The following TMEM217B variants were observed in gnomAD, a reference collection of about 807,000 sequenced individuals.
TMEM217B encodes the protein transmembrane protein 217B, also known as putative transmembrane protein 217B.
chr6:37,228,707 A>G, the TMEM217B span, among the ~76,000 whole-genome samples: 1 of 151,570 alleles, frequency 6.6e-6, no homozygotes, highest in African/African-American at 2.4e-5. Context: ...TCGTTTCAAT[A>G]ATAATAATAG....
chr6:37,244,992 T>C, the TMEM217B span, among the ~76,000 whole-genome samples: 1 of 152,172 alleles, frequency 6.6e-6, no homozygotes, highest in Non-Finnish European at 1.5e-5. Flanking sequence ...AGCCTAGACA[T>C]GTTCTCATGG....
the TMEM217B span, chr6:37,215,415 A>G: frequency 8.7e-7 from 1 of 1,146,426 alleles, no homozygotes; most frequent in Non-Finnish European, 1.2e-6. Context: ...TCTCTACTAA[A>G]GATACAAAAA....
At chr6:37,235,011 C>T in the TMEM217B span, among the ~76,000 whole-genome samples, 106 of 152,174 alleles carry the variant, frequency 7.0e-4, no homozygotes, top group African/African-American at 2.2e-3. Context: ...CACTGGCTAC[C>T]CTTATGCTGG....
At chr6:37,240,318 C>T in the TMEM217B span, among the ~76,000 whole-genome samples, 1 of 152,312 alleles carries the variant, frequency 6.6e-6, no homozygotes, top group Admixed American at 6.5e-5. Context: ...CATCTAAAGG[C>T]TCTACTTGTG....
At chr6:37,244,029 T>A in the TMEM217B span, among the ~76,000 whole-genome samples, 6 of 152,326 alleles carry the variant, frequency 3.9e-5, no homozygotes, top group South Asian at 1.2e-3. Context: ...ACTGGGGAAG[T>A]TACAAATTTT....
At chr6:37,214,651 G>A in the TMEM217B span, among the ~76,000 whole-genome samples, 1 of 152,152 alleles carries the variant, frequency 6.6e-6, no homozygotes, top group Non-Finnish European at 1.5e-5. Context: ...GAATTTGCCT[G>A]CTCTAGGTGT....
the TMEM217B span, among the ~76,000 whole-genome samples, chr6:37,243,632 CTT>C: frequency 6.6e-6 from 1 of 152,164 alleles, no homozygotes; most frequent in African/African-American, 2.4e-5. Context: ...GAGTTTCTCT[CTT>C]GTTGCCCAGG....
At chr6:37,239,200 A>T in the TMEM217B span, among the ~76,000 whole-genome samples, 1 of 152,200 alleles carries the variant, frequency 6.6e-6, no homozygotes, top group Non-Finnish European at 1.5e-5. Context: ...ATAAAAATTC[A>T]GTCATGGGCT....
At chr6:37,254,951 T>A in the TMEM217B span, among the ~76,000 whole-genome samples, 33 of 152,224 alleles carry the variant, frequency 2.2e-4, no homozygotes, top group Middle Eastern at 3.4e-3. Flanking sequence ...GCAACCTAGA[T>A]CCCTTGTATG....
the TMEM217B span, among the ~76,000 whole-genome samples, chr6:37,216,380 G>A: frequency 1.3e-5 from 2 of 152,246 alleles, no homozygotes; most frequent in South Asian, 2.1e-4. Flanking sequence ...CGCCTGGCCC[G>A]ATTTGCATTT....
chr6:37,252,458 T>TA, the TMEM217B span, among the ~76,000 whole-genome samples: 23 of 151,922 alleles, frequency 1.5e-4, 1 homozygote, highest in Admixed American at 9.8e-4. Flanking sequence ...TTGACATACA[T>TA]ACATACATGT....
At chr6:37,213,907 A>G in the TMEM217B span, among the ~76,000 whole-genome samples, 238 of 152,322 alleles carry the variant, frequency 1.6e-3, 2 homozygotes, top group African/African-American at 5.4e-3. Context: ...AGGAAGGGGC[A>G]CAGTCACACA....
the TMEM217B span, among the ~76,000 whole-genome samples, chr6:37,247,447 A>G: frequency 3.4e-5 from 5 of 145,832 alleles, no homozygotes; most frequent in African/African-American, 1.3e-4. Flanking sequence ...GAGTGCGGTG[A>G]CGCGACCTCA....
the TMEM217B span, chr6:37,219,088 T>A: frequency 1.3e-6 from 2 of 1,521,568 alleles, no homozygotes; most frequent in South Asian, 1.2e-5. Context: ...CCTGCCAACA[T>A]GGTAAATTAC....
At chr6:37,235,376 T>TA in the TMEM217B span, among the ~76,000 whole-genome samples, 3 of 151,944 alleles carry the variant, frequency 2.0e-5, no homozygotes, top group African/African-American at 7.3e-5. Flanking sequence ...TTATTATTAT[T>TA]TTTTTTTGAG....
the TMEM217B span, among the ~76,000 whole-genome samples, chr6:37,255,410 G>A: frequency 1.8e-4 from 28 of 152,148 alleles, no homozygotes; most frequent in Non-Finnish European, 2.8e-4. Flanking sequence ...GGCAGGGTGC[G>A]ATGGCTCCCA....
At chr6:37,220,384 G>T in the TMEM217B span, among the ~76,000 whole-genome samples, 1 of 152,282 alleles carries the variant, frequency 6.6e-6, no homozygotes, top group African/African-American at 2.4e-5. Context: ...TCCTATATTA[G>T]TTGTGAGCAT....
At chr6:37,251,900 A>AT in the TMEM217B span, among the ~76,000 whole-genome samples, 6 of 152,050 alleles carry the variant, frequency 3.9e-5, no homozygotes, top group Non-Finnish European at 7.4e-5. Flanking sequence ...TACATTTTTA[A>AT]TTTTTTTTAT....
chr6:37,217,832 G>C, the TMEM217B span: 3 of 985,252 alleles, frequency 3.0e-6, no homozygotes, highest in African/African-American at 5.2e-5. Flanking sequence ...AAGATGCCAA[G>C]AAAAAAGGAT....
Sources: allele counts gnomAD v4.1 joint callset (sites outside exome capture counted in the v4.1 genomes callset), GRCh38; gene constraint gnomAD v4.1.1; transcripts MANE v1.5; gene names NCBI Gene and HGNC (gene_info 2026-07-23, HGNC 2026-07-21).